SPATS2L: variants seen among roughly 807,000 people sequenced by gnomAD.
SPATS2L encodes spermatogenesis associated serine rich 2 like.
In SPATS2L, 30 loss-of-function variants were observed where a neutral mutation model predicts 59.6. The observed-to-expected ratio is 0.50, with a 90% confidence interval of 0.38 to 0.68. SPATS2L has a LOEUF of 0.68. Ranked by LOEUF, SPATS2L falls within the 30% of genes least tolerant of loss-of-function variation. The pLI is 0.00. For missense variants in SPATS2L, 615 were observed against 700.0 expected (o/e 0.88, Z 1.37); for synonymous variants, 252 against 263.5 (o/e 0.96, Z 0.42).
intron 2 of SPATS2L, among the ~76,000 whole-genome samples, chr2:200,371,584 G>A (rs1027095415): frequency 1.3e-5 from 2 of 152,174 alleles, no homozygotes; most frequent in African/African-American, 2.4e-5. Context: ...GTATCTCAGG[G>A]TGAGAAGACT....
At chr2:200,313,181 C>A (rs2079250309) in intron 1 of SPATS2L, among the ~76,000 whole-genome samples, 1 of 152,168 alleles carries the variant, frequency 6.6e-6, no homozygotes, top group Admixed American at 6.5e-5. Flanking sequence ...ACCAACAAGT[C>A]AGAGCTGTCA....
intron 2 of SPATS2L, among the ~76,000 whole-genome samples, chr2:200,376,472 T>C (rs907740120): frequency 3.3e-5 from 5 of 152,262 alleles, no homozygotes; most frequent in African/African-American, 1.2e-4. Context: ...AAATCATGTA[T>C]GGAAAGAGGT....
chr2:200,311,600 C>T (rs1157421977), intron 1 of SPATS2L, among the ~76,000 whole-genome samples: 1 of 152,134 alleles, frequency 6.6e-6, no homozygotes, highest in Non-Finnish European at 1.5e-5. Flanking sequence ...TTAAAAGCAT[C>T]CCTGTAAATT....
At chr2:200,431,589 AT>A (rs1198974166) in intron 6 of SPATS2L, among the ~76,000 whole-genome samples, 1 of 152,236 alleles carries the variant, frequency 6.6e-6, no homozygotes, top group Admixed American at 6.5e-5. Flanking sequence ...TAAAATAATT[AT>A]TTTAGAACTA....
intron 2 of SPATS2L, among the ~76,000 whole-genome samples, chr2:200,359,578 C>A (rs1228869389): frequency 6.6e-6 from 1 of 152,168 alleles, no homozygotes; most frequent in Non-Finnish European, 1.5e-5. Flanking sequence ...TATATTGGCG[C>A]TCAAGTCAGT....
intron 9 of SPATS2L, among the ~76,000 whole-genome samples, chr2:200,463,713 C>T (rs183755328): frequency 6.6e-4 from 101 of 152,232 alleles, no homozygotes; most frequent in Middle Eastern, 3.4e-3. Flanking sequence ...ACTAGAGATA[C>T]GGGAAGAAAA....
intron 2 of SPATS2L, among the ~76,000 whole-genome samples, chr2:200,379,692 G>A (rs937618392): frequency 2.0e-5 from 3 of 152,070 alleles, no homozygotes; most frequent in African/African-American, 7.2e-5. Context: ...CGGGTGGTGG[G>A]GGGGATGGGG....
intron 12 of SPATS2L, 90 bp downstream of exon 12, chr2:200,473,142 C>G (rs2087202374): frequency 4.7e-6 from 6 of 1,270,402 alleles, no homozygotes; most frequent in Non-Finnish European, 6.4e-6. Flanking sequence ...GATTCTGGGC[C>G]TCCTGGGGTC....
At position 200,470,015 on chromosome 2, in the gene SPATS2L, A is replaced by G. The variant is rs761391081; in HGVS notation, c.1059A>G (p.Glu353=). ...AGGCCCAAATCATGCTCTGCGGAGA[A>G]AGTGAGTTTTGCATATTTGCTGAAT... ...QLKAQIMLCG[E]ITHPKNNYSS... The change falls in exon 11 of 13, where the codon GAA becomes GAG. Residue 353 remains glutamate, a splice_region_variant and synonymous_variant. Transcript: ENST00000409140. The G allele has an allele frequency of 6.2e-7, 1 of 1,603,872 alleles. No individual in the cohort carries two copies. The highest frequency in any genetic ancestry group is 8.5e-7 in the Non-Finnish European group (1 of 1,175,108).
rs765351636 is a variant in SPATS2L at position 200,440,714 on chromosome 2, G to A, written c.718G>A (p.Val240Ile). 21 of 1,613,650 alleles carry A rather than the reference G, an allele frequency of 1.3e-5. No homozygotes were observed. Among genetic ancestry groups the A allele is most frequent in the Middle Eastern group, 1.7e-4 (1 of 6,058 alleles). ...CACCGTTTCTCTAACTAGATATCGC[G>A]TCATGATTAAGGAAGAAGTGGATAG... Reference protein sequence around the residue: ...RCTVSLTRYRVMIKEEVDSSV... With the variant: ...RCTVSLTRYRIMIKEEVDSSV... Residue 240 changes from valine to isoleucine, a missense_variant, in exon 8 of 13, where the codon GTC becomes ATC. This residue lies in a region of SPATS2L where 104 missense variants were observed against 162.5 expected (regional missense o/e 0.64). Coordinates refer to ENST00000409140, the MANE Select transcript of SPATS2L (RefSeq NM_001100423.2).
chr2:200,419,544 A>C, intron 6 of SPATS2L, 48 bp downstream of exon 6: 1 of 1,603,128 alleles, frequency 6.2e-7, no homozygotes, highest in Non-Finnish European at 8.5e-7. Flanking sequence ...AGATGAAAAG[A>C]GCACAAAGGG....
At chr2:200,462,959 A>G (rs1012755065) in intron 9 of SPATS2L, among the ~76,000 whole-genome samples, 1 of 151,726 alleles carries the variant, frequency 6.6e-6, no homozygotes, top group East Asian at 1.9e-4. Context: ...TAATAATAAT[A>G]TCCATCTCAA....
chr2:200,430,635 TA>T (rs1444525553), intron 6 of SPATS2L, among the ~76,000 whole-genome samples: 1 of 152,116 alleles, frequency 6.6e-6, no homozygotes, highest in Non-Finnish European at 1.5e-5. Context: ...AAACGTGATT[TA>T]AATATCTGCA....
At chr2:200,398,870 G>C (rs1456520455) in intron 3 of SPATS2L, among the ~76,000 whole-genome samples, 1 of 151,438 alleles carries the variant, frequency 6.6e-6, no homozygotes, top group Non-Finnish European at 1.5e-5. Flanking sequence ...CAGTATGTCA[G>C]TTTCTTATAA....
At chr2:200,313,383 C>T (rs891082005) in intron 1 of SPATS2L, among the ~76,000 whole-genome samples, 7 of 152,142 alleles carry the variant, frequency 4.6e-5, no homozygotes, top group Admixed American at 1.3e-4. Context: ...AAAGCCTTCA[C>T]GGATAACTAT....
chr2:200,321,136 G>A lies in SPATS2L; in HGVS notation c.-72-8295G>A, dbSNP rs531018766. Reference sequence around the variant, plus strand: ...AGCATTTGGTGTTTCCCTTTCAGATGTGCATTTGTGTGAGGTTGTGAGTGT... The same window carrying A: ...AGCATTTGGTGTTTCCCTTTCAGATATGCATTTGTGTGAGGTTGTGAGTGT... On this transcript the variant is annotated intron_variant, in intron 1 of 12. Coordinates refer to ENST00000409140, the MANE Select transcript of SPATS2L (RefSeq NM_001100423.2). Among the ~76,000 whole-genome samples, 38 of 152,236 alleles carry A rather than the reference G, an allele frequency of 2.5e-4. No individual in the cohort carries two copies. In the South Asian group the frequency reaches 7.9e-3, roughly 32 times the overall value.
intron 3 of SPATS2L, among the ~76,000 whole-genome samples, chr2:200,391,416 T>A (rs2082169997): frequency 6.6e-6 from 1 of 152,214 alleles, no homozygotes; most frequent in African/African-American, 2.4e-5. Context: ...TCAATATAAG[T>A]AGTTTCCTTT....
At chr2:200,445,716 C>T (rs1351735833) in intron 8 of SPATS2L, among the ~76,000 whole-genome samples, 1 of 152,148 alleles carries the variant, frequency 6.6e-6, no homozygotes, top group Non-Finnish European at 1.5e-5. Flanking sequence ...CCAAGTAAGA[C>T]CATCACTTTT....
chr2:200,345,691 G>C (rs2080489380), intron 2 of SPATS2L, among the ~76,000 whole-genome samples: 1 of 152,134 alleles, frequency 6.6e-6, no homozygotes, highest in South Asian at 2.1e-4. Context: ...TATTATTAAG[G>C]ACTCATTGTA....
Sources: allele counts gnomAD v4.1 joint callset (sites outside exome capture counted in the v4.1 genomes callset), GRCh38; gene constraint gnomAD v4.1.1; regional missense constraint gnomAD v4.1.1; transcripts MANE v1.5; gene names NCBI Gene and HGNC (gene_info 2026-07-23, HGNC 2026-07-21).